The following CCDC7 variants were observed in gnomAD, a reference collection of about 807,000 sequenced individuals.
CCDC7 encodes coiled-coil domain containing 7, also known as coiled-coil domain-containing protein 7.
A neutral mutation model predicts 196.9 loss-of-function variants in CCDC7; 183 were observed. The observed-to-expected ratio is 0.93, with a 90% CI of 0.82 to 1.05. The LOEUF (loss-of-function observed/expected upper bound fraction) is 1.05, where lower values mean the gene tolerates loss of function less well. Ranked by LOEUF, CCDC7 falls within the 50% of genes least tolerant of loss-of-function variation. CCDC7 has a pLI of 0.00. For missense variants in CCDC7, 1,540 were observed against 1,482.2 expected, an observed-to-expected ratio of 1.04 and a Z score of -0.64; for synonymous variants, 525 against 484.6, an observed-to-expected ratio of 1.08 and a Z score of -1.10.
chr10:32,690,409 A>G (rs536832192), intron 23 of CCDC7, among the ~76,000 whole-genome samples: 1 of 152,324 alleles, frequency 6.6e-6, no homozygotes, highest in South Asian at 2.1e-4. Context: ...CTGAACATCT[A>G]AGTGAAAAAA....
In CCDC7 at chr10:32,694,833, TA is replaced by T. The variant is rs535780942; in HGVS notation, c.2345-45del. The T allele has an allele frequency of 6.4e-4, 698 of 1,099,146 alleles. 1 individual carries two copies. Among genetic ancestry groups the T allele is most frequent in the Middle Eastern group, 2.3e-3 (11 of 4,754 alleles). The allele number at this position is 1,099,146 out of a possible 1,614,324, so 68.1% of individuals were successfully genotyped here. A position where few individuals can be genotyped will look rare whatever the true frequency, so the allele number is the denominator to read the frequency against. ...AGTTTGAAATCTAGAGATTTCACAG[TA>T]GGTCTGTTTTTCCATTAAGAGACTA... On this transcript the variant is annotated intron_variant, in intron 23 of 41. Transcript: ENST00000639629.
intron 23 of CCDC7, among the ~76,000 whole-genome samples, chr10:32,691,606 C>G (rs2077091254): frequency 6.6e-6 from 1 of 152,182 alleles, no homozygotes; most frequent in Admixed American, 6.5e-5. Context: ...AACTAGACAT[C>G]TAAATCTGGT....
chr10:32,838,976 T>C (rs1158071530), intron 33 of CCDC7, among the ~76,000 whole-genome samples: 1 of 151,912 alleles, frequency 6.6e-6, no homozygotes, highest in Non-Finnish European at 1.5e-5. Flanking sequence ...TAAGAACTGC[T>C]AAAAGGAGCT....
intron 18 of CCDC7, among the ~76,000 whole-genome samples, chr10:32,624,997 T>TG (rs1257206745): frequency 1.4e-5 from 2 of 144,964 alleles, no homozygotes; most frequent in Admixed American, 1.4e-4. Flanking sequence ...TTTTTTTTTT[T>TG]TTTTTTTTTT....
chr10:32,818,012 T>A (rs1024264638), intron 31 of CCDC7, among the ~76,000 whole-genome samples: 3 of 152,168 alleles, frequency 2.0e-5, no homozygotes, highest in Admixed American at 1.3e-4. Flanking sequence ...GTAAATAGGC[T>A]AAATGCTCTA....
intron 38 of CCDC7, among the ~76,000 whole-genome samples, 184 bp downstream of exon 39, chr10:32,848,100 C>T (rs1283833679): frequency 6.6e-6 from 1 of 152,030 alleles, no homozygotes; most frequent in African/African-American, 2.4e-5. Context: ...AGTTTTAAAA[C>T]CTCTAGACAA....
intron 11 of CCDC7, among the ~76,000 whole-genome samples, chr10:32,519,890 GTAACCATCCTTCTATTCTCTA>G (rs1412165907): frequency 6.6e-6 from 1 of 151,846 alleles, no homozygotes; most frequent in African/African-American, 2.4e-5. Context: ...CAAGCCTCTG[GTAACCATCCTTCTATTCTCTA>G]TCTCCATGAG....
At chr10:32,822,001 A>G (rs1407265847) in intron 31 of CCDC7, among the ~76,000 whole-genome samples, 1 of 40,232 alleles carries the variant, frequency 2.5e-5, no homozygotes, top group African/African-American at 3.6e-5. Flanking sequence ...AAAAGTGCTG[A>G]AAAAAAAAAA....
At chr10:32,490,813 G>T (rs58348668) in intron 8 of CCDC7, among the ~76,000 whole-genome samples, 2 of 151,686 alleles carry the variant, frequency 1.3e-5, no homozygotes, top group East Asian at 3.9e-4. Context: ...AAAAAAAGTT[G>T]GTGTTTTATT....
chr10:32,477,364 G>A (rs138335628), intron 8 of CCDC7, among the ~76,000 whole-genome samples: 1,939 of 151,690 alleles, frequency 0.013, 125 homozygotes, highest in Admixed American at 0.11. Context: ...CACCACGCCC[G>A]GCTAATTTTT....
intron 21 of CCDC7, among the ~76,000 whole-genome samples, chr10:32,674,237 T>C (rs1173678336): frequency 6.6e-6 from 1 of 151,996 alleles, no homozygotes; most frequent in Non-Finnish European, 1.5e-5. Flanking sequence ...TTCCTTATGG[T>C]ACTGCTTTTG....
At chr10:32,495,976 CTTTGGGCAGTATGGCCA>C (rs1179630276) in intron 9 of CCDC7, among the ~76,000 whole-genome samples, 1 of 151,970 alleles carries the variant, frequency 6.6e-6, no homozygotes, top group Non-Finnish European at 1.5e-5. Flanking sequence ...CTATAAATTA[CTTTGGGCAGTATGGCCA>C]TTTTCATGGT....
At chr10:32,759,240 CTACTT>C (rs765329288) in intron 28 of CCDC7, among the ~76,000 whole-genome samples, 1 of 152,144 alleles carries the variant, frequency 6.6e-6, no homozygotes, top group Non-Finnish European at 1.5e-5. Context: ...TTGGAGAAAA[CTACTT>C]TAAAGTTCAT....
chr10:32,846,483 T>A (rs763070991), intron 37 of CCDC7, 24 bp downstream of exon 38: 12 of 1,439,506 alleles, frequency 8.3e-6, no homozygotes, highest in Non-Finnish European at 1.2e-5. Context: ...TTTTTGAGTC[T>A]AATATTTGTG....
intron 8 of CCDC7, among the ~76,000 whole-genome samples, chr10:32,491,183 CTT>C (rs981575118): frequency 6.6e-6 from 1 of 152,088 alleles, no homozygotes; most frequent in African/African-American, 2.4e-5. Context: ...CTATACCACT[CTT>C]TTGACACGTG....
intron 28 of CCDC7, among the ~76,000 whole-genome samples, chr10:32,733,150 T>A (rs936452939): frequency 6.6e-6 from 1 of 152,094 alleles, no homozygotes; most frequent in Admixed American, 6.5e-5. Context: ...TTATAAAAAT[T>A]TAACTTGATT....
intron 18 of CCDC7, among the ~76,000 whole-genome samples, chr10:32,595,730 C>G (rs964172629): frequency 5.3e-5 from 8 of 152,164 alleles, no homozygotes; most frequent in Non-Finnish European, 1.0e-4. Context: ...CCCAGAGATT[C>G]TGGTATGTTG....
rs544393872 is a variant in CCDC7, at chr10:32,742,336, A to T, written c.2905+12879A>T. 2.0e-5 allele frequency among the ~76,000 whole-genome samples: 3 copies of T among 152,258 alleles called. No homozygotes were observed. In the East Asian group the frequency reaches 5.8e-4, roughly 29 times the overall value. Reference sequence around the variant, plus strand: ...TGTTATAACCAATGAACCTACACTGACACCACATTATCACCCAAAGTCCAT... The same window carrying T: ...TGTTATAACCAATGAACCTACACTGTCACCACATTATCACCCAAAGTCCAT... On this transcript the variant is annotated intron_variant, in intron 28 of 41. Coordinates refer to ENST00000639629, the Ensembl canonical transcript of CCDC7.
chr10:32,460,642 C>G (rs1396219741), intron 3 of CCDC7, among the ~76,000 whole-genome samples: 4 of 152,216 alleles, frequency 2.6e-5, no homozygotes, highest in Middle Eastern at 3.4e-3. Flanking sequence ...TAAACACTTA[C>G]GTAGCTGAAA....
Sources: gnomAD v4.1 joint callset for allele counts (sites outside exome capture counted in the v4.1 genomes callset) on GRCh38, gnomAD v4.1.1 for gene constraint, MANE v1.5 for transcripts, NCBI Gene and HGNC (gene_info 2026-07-23, HGNC 2026-07-21) for gene names.